DFFB: variants seen among roughly 807,000 people sequenced by gnomAD.
DFFB encodes DNA fragmentation factor 40 kDa subunit.
Under a neutral mutation model 32.7 loss-of-function variants are expected in DFFB, and 29 were observed. That is an observed-to-expected ratio of 0.89 (90% CI 0.66 to 1.21). DFFB has a LOEUF of 1.21. Among genes scored for constraint, DFFB ranks in the 50% most tolerant of loss-of-function variants. DFFB has a pLI of 0.00. For synonymous variants in DFFB, 170 were observed against 177.1 expected (o/e 0.96, Z 0.32); for missense variants, 398 against 440.6 (o/e 0.90, Z 0.87).
intron 5 of DFFB, among the ~76,000 whole-genome samples, chr1:3,870,631 C>T (rs1645093456): frequency 6.6e-6 from 1 of 152,098 alleles, no homozygotes; most frequent in African/African-American, 2.4e-5. Flanking sequence ...GAGTCCTGCA[C>T]AATGGAAGGT....
chr1:3,864,684 T>G (rs1358070726), intron 2 of DFFB, among the ~76,000 whole-genome samples: 6 of 151,934 alleles, frequency 3.9e-5, no homozygotes, highest in Non-Finnish European at 8.8e-5. Flanking sequence ...CACCCCCATG[T>G]GCCGCTAATT....
chr1:3,880,537 C>T (rs908943564), intron 6 of DFFB, among the ~76,000 whole-genome samples: 5 of 152,166 alleles, frequency 3.3e-5, no homozygotes, highest in Admixed American at 6.5e-5. Flanking sequence ...GGGCCTGTCA[C>T]GTGGGCAGCC....
intron 2 of DFFB, chr1:3,860,380 C>G (rs748668013): frequency 2.5e-6 from 1 of 393,896 alleles, no homozygotes; most frequent in Non-Finnish European, 5.3e-6. Context: ...GCATGCATTA[C>G]CACGTCTGGC....
intron 4 of DFFB, among the ~76,000 whole-genome samples, chr1:3,868,788 G>A (rs1268808723): frequency 1.3e-5 from 2 of 151,464 alleles, no homozygotes; most frequent in East Asian, 3.9e-4. Flanking sequence ...TGCAATGGGT[G>A]TCCTGTCCTA....
At position 3,862,294 on chromosome 1, in the gene DFFB, T is replaced by C; in HGVS notation, c.241+3450T>C. ...GTTAAGATGGTGGGACTCCCCAAAC[T>C]GACCTACAAATTCAACACAATCCCT... On this transcript the variant is annotated intron_variant, in intron 2 of 6. Transcript: ENST00000378209. Among the ~76,000 whole-genome samples, 2 of 152,252 alleles carry C rather than the reference T, an allele frequency of 1.3e-5. 1 individual carries two copies. The highest frequency in any genetic ancestry group is 1.3e-4 in the Admixed American group (2 of 15,280).
At chr1:3,870,816 G>C (rs1407660759) in intron 5 of DFFB, among the ~76,000 whole-genome samples, 1 of 151,846 alleles carries the variant, frequency 6.6e-6, no homozygotes, top group South Asian at 2.1e-4. Flanking sequence ...GGTGCTCCGG[G>C]CATGGCAGTG....
At chr1:3,868,643 A>ACGCCACACCAGGCCACGCCACACCAG (rs1645036387) in intron 4 of DFFB, among the ~76,000 whole-genome samples, 3 of 4,946 alleles carry the variant, frequency 6.1e-4, no homozygotes, top group African/African-American at 2.6e-3. Flanking sequence ...CACCACACCA[A>ACGCCACACCAGGCCACGCCACACCAG]GCCACACCAC....
At position 3,883,516 on chromosome 1, in the gene DFFB, G is replaced by A; in HGVS notation, c.792G>A (p.Lys264=). 1 of 1,614,018 alleles carries A rather than the reference G, an allele frequency of 6.2e-7. No homozygotes were observed. The highest frequency in any genetic ancestry group is 1.1e-5 in the South Asian group (1 of 91,074). The change falls in exon 7 of 7, where the codon AAG becomes AAA. Residue 264 remains lysine, a synonymous_variant. Coordinates refer to ENST00000378209, the MANE Select transcript of DFFB (RefSeq NM_004402.4). ...STWNLDHIIE[K]KRTIIPTLVE... Reference sequence around the variant, plus strand: ...TAACCTTACTTTGCAGAATAGAAAAGAAACGCACCATCATTCCTACACTGG... The same window carrying A: ...TAACCTTACTTTGCAGAATAGAAAAAAAACGCACCATCATTCCTACACTGG...
chr1:3,866,229 A>C (rs555042032), intron 3 of DFFB: 45 of 660,830 alleles, frequency 6.8e-5, no homozygotes, highest in Non-Finnish European at 1.2e-4. Context: ...CTCGGATGGG[A>C]CTTTTTATAT....
intron 6 of DFFB, among the ~76,000 whole-genome samples, chr1:3,882,611 C>A (rs765653776): frequency 5.9e-5 from 9 of 152,142 alleles, no homozygotes; most frequent in Non-Finnish European, 1.2e-4. Context: ...GTGATCCGCA[C>A]GCCTCAGCCT....
At chr1:3,870,290 G>A (rs1645085657) in intron 5 of DFFB, among the ~76,000 whole-genome samples, 1 of 152,202 alleles carries the variant, frequency 6.6e-6, no homozygotes, top group African/African-American at 2.4e-5. Flanking sequence ...GGCGCCTCTT[G>A]GCGTTTGCAC....
chr1:3,870,745 G>A (rs1277048725), intron 5 of DFFB, among the ~76,000 whole-genome samples: 1 of 152,174 alleles, frequency 6.6e-6, no homozygotes, highest in Non-Finnish European at 1.5e-5. Context: ...CAGGGAGGGG[G>A]TGGGGCCTTA....
chr1:3,858,557 C>G (rs1166629103), intron 1 of DFFB, among the ~76,000 whole-genome samples, 161 bp from the exon 2 acceptor site: 1 of 152,254 alleles, frequency 6.6e-6, no homozygotes, highest in Non-Finnish European at 1.5e-5. Flanking sequence ...TGCTCCCGCT[C>G]CCTCATCCTT....
intron 6 of DFFB, among the ~76,000 whole-genome samples, chr1:3,878,175 G>A (rs1315318579): frequency 1.3e-5 from 2 of 149,016 alleles, no homozygotes; most frequent in Non-Finnish European, 3.0e-5. Context: ...TTTTTGAGAC[G>A]GAGTCTTGCT....
At chr1:3,875,970 G>GT (rs1645214326) in intron 6 of DFFB, among the ~76,000 whole-genome samples, 1 of 152,000 alleles carries the variant, frequency 6.6e-6, no homozygotes, top group East Asian at 1.9e-4. Flanking sequence ...GTAGAGATGG[G>GT]GTTTTGCCAT....
intron 2 of DFFB, 115 bp downstream of exon 2, chr1:3,858,959 G>C (rs995902473): frequency 1.4e-6 from 2 of 1,449,942 alleles, no homozygotes; most frequent in Non-Finnish European, 1.8e-6. Context: ...GTGAACTCTC[G>C]GGTCTCAAGG....
At chr1:3,882,414 G>A (rs1312578517) in intron 6 of DFFB, among the ~76,000 whole-genome samples, 1 of 151,802 alleles carries the variant, frequency 6.6e-6, no homozygotes, top group Admixed American at 6.6e-5. Context: ...TGCCCAGGCT[G>A]GAGTGCGGTG....
At chr1:3,861,785 A>C (rs540109191) in intron 2 of DFFB, among the ~76,000 whole-genome samples, 2 of 152,356 alleles carry the variant, frequency 1.3e-5, no homozygotes, top group Admixed American at 6.5e-5. Context: ...AATGCCCAGG[A>C]GTACAGTGCT....
Position 3,883,987 on chromosome 1 carries a change from C to T in DFFB, c.*246C>T, listed in dbSNP as rs1169900369. Reference sequence around the variant, plus strand: ...TGTTGCCCAGGCTGGAGTGTAGTGGCGCGATCTCGGCTCAGCCTCCCGAGT... The same window carrying T: ...TGTTGCCCAGGCTGGAGTGTAGTGGTGCGATCTCGGCTCAGCCTCCCGAGT... On this transcript the variant is annotated 3_prime_UTR_variant, in exon 7 of 7. Coordinates refer to ENST00000378209, the MANE Select transcript of DFFB (RefSeq NM_004402.4). 3.5e-5 allele frequency: 17 copies of T among 479,818 alleles called. No individual in the cohort carries two copies. The highest frequency in any genetic ancestry group is 4.5e-5 in the Non-Finnish European group (12 of 266,136). The allele number at this position is 479,818 out of a possible 1,614,324, so 29.7% of individuals were successfully genotyped here. A position where few individuals can be genotyped will look rare whatever the true frequency, so the allele number is the denominator to read the frequency against.
Sources: gnomAD v4.1 joint callset for allele counts (sites outside exome capture counted in the v4.1 genomes callset) on GRCh38, gnomAD v4.1.1 for gene constraint, MANE v1.5 for transcripts, NCBI Gene and HGNC (gene_info 2026-07-23, HGNC 2026-07-21) for gene names.